The following CTNNA3 variants were observed in gnomAD, a reference collection of about 807,000 sequenced individuals.
CTNNA3 encodes the protein catenin alpha-3.
In CTNNA3, 76 loss-of-function variants were observed where a neutral mutation model predicts 95.7. The observed-to-expected ratio is 0.79, with a 90% CI of 0.66 to 0.96. The LOEUF (loss-of-function observed/expected upper bound fraction) is 0.96. Ranked by LOEUF, CTNNA3 falls within the 40% of genes least tolerant of loss-of-function variation. The probability of loss-of-function intolerance (pLI) is 0.00; values close to 1 mark genes in which losing one functional copy is unlikely to be tolerated. For missense variants in CTNNA3, 1,191 were observed against 1,089.8 expected (o/e 1.09, Z -1.31); for synonymous variants, 431 against 374.4 (o/e 1.15, Z -1.74).
chr10:67,641,571 A>C (rs910858958), intron 2 of CTNNA3, among the ~76,000 whole-genome samples: 1 of 152,180 alleles, frequency 6.6e-6, no homozygotes, highest in Non-Finnish European at 1.5e-5. Flanking sequence ...TGTTTACTGC[A>C]GCACTATTCA....
Position 67,567,016 on chromosome 10 carries a change from T to A in CTNNA3, c.293-27347A>T, listed in dbSNP as rs1255966017. On this transcript the variant is annotated intron_variant, in intron 3 of 17. Coordinates refer to ENST00000433211, the MANE Select transcript of CTNNA3 (RefSeq NM_013266.4). Reference sequence around the variant, plus strand: ...AAGGGGAACATCACACTCTGGGGACTGTTTTGGGGTGGGGGGAGGGGGGAG... The same window carrying A: ...AAGGGGAACATCACACTCTGGGGACAGTTTTGGGGTGGGGGGAGGGGGGAG... Among the ~76,000 whole-genome samples the A allele has an allele frequency of 2.9e-5, 3 of 103,830 alleles. No homozygotes were observed. The Admixed American group carries it at 4.2e-4, about 14-fold the overall frequency. The allele number at this position is 103,830 out of a possible 152,430, so 68.1% of individuals were successfully genotyped here.
chr10:67,731,434 T>C (rs1169515466), intron 1 of CTNNA3, among the ~76,000 whole-genome samples: 4 of 151,970 alleles, frequency 2.6e-5, no homozygotes, highest in African/African-American at 9.7e-5. Context: ...TGAGCCGAGA[T>C]CGCACCACTG....
intron 1 of CTNNA3, among the ~76,000 whole-genome samples, chr10:67,711,229 T>C (rs990268902): frequency 2.6e-5 from 4 of 151,982 alleles, no homozygotes; most frequent in African/African-American, 9.7e-5. Context: ...TTGGTACCAG[T>C]AGAGTGGCGC....
intron 9 of CTNNA3, among the ~76,000 whole-genome samples, chr10:66,746,979 G>T (rs1838905220): frequency 6.6e-6 from 1 of 151,800 alleles, no homozygotes. Context: ...TAGATTTTTA[G>T]TCAGTAATGT....
At chr10:67,607,137 T>G (rs1413015822) in intron 2 of CTNNA3, 88 bp from the exon 3 acceptor site, 3 of 1,065,922 alleles carry the variant, frequency 2.8e-6, no homozygotes, top group African/African-American at 3.2e-5. Context: ...CAAAAGACAG[T>G]ACAGTTGACA....
At chr10:66,302,167 A>T (rs1470210304) in intron 12 of CTNNA3, among the ~76,000 whole-genome samples, 1 of 152,064 alleles carries the variant, frequency 6.6e-6, no homozygotes, top group Non-Finnish European at 1.5e-5. Context: ...AAGAATTCAA[A>T]GAAGATCTAC....
chr10:66,301,175 A>G (rs1216280997), intron 12 of CTNNA3, among the ~76,000 whole-genome samples: 1 of 152,112 alleles, frequency 6.6e-6, no homozygotes, highest in African/African-American at 2.4e-5. Flanking sequence ...AGATTGGATC[A>G]ATAATTAATA....
chr10:66,246,883 T>C (rs2090351132), intron 13 of CTNNA3, among the ~76,000 whole-genome samples: 1 of 151,690 alleles, frequency 6.6e-6, no homozygotes, highest in Non-Finnish European at 1.5e-5. Flanking sequence ...AAACCCCGTC[T>C]CTACTAAAAA....
chr10:67,481,202 C>T (rs1048478835), intron 5 of CTNNA3, among the ~76,000 whole-genome samples: 1 of 152,110 alleles, frequency 6.6e-6, no homozygotes, highest in African/African-American at 2.4e-5. Context: ...GAAGCACTCC[C>T]CTGGAGAGCT....
intron 13 of CTNNA3, among the ~76,000 whole-genome samples, chr10:66,154,868 A>G (rs890096399): frequency 1.3e-5 from 2 of 151,126 alleles, no homozygotes; most frequent in African/African-American, 4.9e-5. Context: ...GTAACCAAAC[A>G]GTTCTTTTAG....
intron 13 of CTNNA3, among the ~76,000 whole-genome samples, chr10:66,128,226 T>A (rs1259927912): frequency 6.6e-6 from 1 of 152,136 alleles, no homozygotes; most frequent in Non-Finnish European, 1.5e-5. Flanking sequence ...AAGAAAATAA[T>A]CTGTTTACAA....
At chr10:67,699,970 T>C (rs566788902), upstream of CTNNA3, among the ~76,000 whole-genome samples, 13 of 152,370 alleles carry the variant, frequency 8.5e-5, 1 homozygote, top group Middle Eastern at 6.8e-3. Flanking sequence ...CAGGAGATTA[T>C]ATCCCGCACA....
At chr10:66,551,515 A>C (rs1842214929) in intron 10 of CTNNA3, among the ~76,000 whole-genome samples, 1 of 152,136 alleles carries the variant, frequency 6.6e-6, no homozygotes, top group Non-Finnish European at 1.5e-5. Flanking sequence ...CAATTCAAAA[A>C]AATTTAAGAC....
chr10:67,430,091 C>T (rs1846060098), intron 5 of CTNNA3, among the ~76,000 whole-genome samples: 1 of 151,920 alleles, frequency 6.6e-6, no homozygotes, highest in African/African-American at 2.4e-5. Flanking sequence ...TTGTCCAAAT[C>T]CTTTATATTT....
intron 3 of CTNNA3, among the ~76,000 whole-genome samples, chr10:67,604,826 T>C (rs566549814): frequency 6.6e-6 from 1 of 152,136 alleles, no homozygotes; most frequent in Non-Finnish European, 1.5e-5. Flanking sequence ...AAAGAGAGGG[T>C]CTCAGTTGGT....
In CTNNA3 at chr10:67,026,115, A is replaced by G. The variant is rs371117738; in HGVS notation, c.1047+154202T>C. Among the ~76,000 whole-genome samples, 39 of 129,066 alleles carry G rather than the reference A, an allele frequency of 3.0e-4. No homozygotes were observed. The East Asian group carries it at 7.9e-3, about 26-fold the overall frequency. 84.7% of individuals were successfully genotyped at this position (129,066 alleles called of 152,430 possible). A position where few individuals can be genotyped will look rare whatever the true frequency, so the allele number is the denominator to read the frequency against. Reference sequence around the variant, plus strand: ...ACACTCTGGGGACTGTTGTGGGGTGAGGGGAGGGGGGAGGGATAGCATTAG... The same window carrying G: ...ACACTCTGGGGACTGTTGTGGGGTGGGGGGAGGGGGGAGGGATAGCATTAG... On this transcript the variant is annotated intron_variant, in intron 7 of 17. Coordinates refer to ENST00000433211, the MANE Select transcript of CTNNA3 (RefSeq NM_013266.4).
At chr10:67,723,670 CT>C (rs1466315795) in intron 1 of CTNNA3, among the ~76,000 whole-genome samples, 1 of 152,136 alleles carries the variant, frequency 6.6e-6, no homozygotes, top group African/African-American at 2.4e-5. Context: ...TGAATAAATG[CT>C]TTTTGGTCCA....
chr10:67,399,337 T>A (rs899669094), intron 5 of CTNNA3, among the ~76,000 whole-genome samples: 3 of 152,198 alleles, frequency 2.0e-5, no homozygotes, highest in African/African-American at 7.2e-5. Context: ...TATTATTAAT[T>A]TTATAGCATT....
At chr10:65,964,113 G>C (rs2077908644) in intron 17 of CTNNA3, among the ~76,000 whole-genome samples, 1 of 152,062 alleles carries the variant, frequency 6.6e-6, no homozygotes, top group Non-Finnish European at 1.5e-5. Flanking sequence ...CTCTGCTTTG[G>C]AATCATGCTT....
Sources: allele counts gnomAD v4.1 joint callset (sites outside exome capture counted in the v4.1 genomes callset), GRCh38; gene constraint gnomAD v4.1.1; transcripts MANE v1.5; gene names NCBI Gene and HGNC (gene_info 2026-07-23, HGNC 2026-07-21).